The following TENM2 variants were observed in gnomAD, a reference collection of about 807,000 sequenced individuals.
TENM2 encodes teneurin-2.
A neutral mutation model predicts 245.2 loss-of-function variants in TENM2; 52 were observed. That is an observed-to-expected ratio of 0.21 (90% CI 0.17 to 0.27). TENM2 has a LOEUF of 0.27. TENM2 is among the 10% of genes least tolerant of loss of function. The pLI is 1.00. For missense variants in TENM2, 3,046 were observed against 3,666.8 expected (o/e 0.83, Z 4.37); for synonymous variants, 1,363 against 1,438.9 (o/e 0.95, Z 1.19).
At chr5:168,097,717 G>A (rs1380908010) in intron 8 of TENM2, among the ~76,000 whole-genome samples, 3 of 152,072 alleles carry the variant, frequency 2.0e-5, no homozygotes, top group Non-Finnish European at 4.4e-5. Flanking sequence ...CTCCCAAAGT[G>A]CTGAGATTAC....
intron 2 of TENM2, among the ~76,000 whole-genome samples, chr5:167,537,265 A>AG (rs1771915534): frequency 6.6e-6 from 1 of 151,766 alleles, no homozygotes; most frequent in African/African-American, 2.4e-5. Flanking sequence ...AAAAAAAAAA[A>AG]AAAGCCAGTT....
intron 2 of TENM2, among the ~76,000 whole-genome samples, chr5:167,798,106 ATGC>A (rs1197080213): frequency 6.6e-6 from 1 of 152,222 alleles, no homozygotes; most frequent in Non-Finnish European, 1.5e-5. Flanking sequence ...TGAAAGAATG[ATGC>A]TTAAGTTTCC....
At chr5:168,088,128 T>G (rs1792620335) in intron 7 of TENM2, 1 of 152,142 alleles carries the variant, frequency 6.6e-6, no homozygotes, top group African/African-American at 2.4e-5. Flanking sequence ...CCCAAATTAG[T>G]AATGAGCAAT....
chr5:167,237,159 C>T, the TENM2 span, among the ~76,000 whole-genome samples: 7 of 152,144 alleles, frequency 4.6e-5, no homozygotes, highest in Admixed American at 1.3e-4. Context: ...TTTTGATCCG[C>T]GCACCTGTAT....
chr5:167,408,375 T>A (rs142301853), intron 2 of TENM2, among the ~76,000 whole-genome samples: 1 of 152,214 alleles, frequency 6.6e-6, no homozygotes, highest in Non-Finnish European at 1.5e-5. Flanking sequence ...GAGGATCTCT[T>A]TGGCAAGAAG....
intron 2 of TENM2, among the ~76,000 whole-genome samples, chr5:167,489,946 T>C (rs1247904666): frequency 6.6e-6 from 1 of 152,192 alleles, no homozygotes; most frequent in South Asian, 2.1e-4. Context: ...TATTACTGGA[T>C]ATGTACATAA....
chr5:167,897,301 T>TC (rs397751529), intron 3 of TENM2, among the ~76,000 whole-genome samples: 26 of 151,670 alleles, frequency 1.7e-4, no homozygotes, highest in African/African-American at 5.3e-4. Flanking sequence ...CTTTTTTTTT[T>TC]CCCTCCTGCT....
At chr5:168,175,767 C>G (rs1759303580) in intron 13 of TENM2, among the ~76,000 whole-genome samples, 1 of 152,194 alleles carries the variant, frequency 6.6e-6, no homozygotes, top group Non-Finnish European at 1.5e-5. Flanking sequence ...AAGACAGATG[C>G]AGAAAAGAGA....
At chr5:167,499,285 C>T (rs958133600) in intron 2 of TENM2, among the ~76,000 whole-genome samples, 1 of 152,122 alleles carries the variant, frequency 6.6e-6, no homozygotes, top group Non-Finnish European at 1.5e-5. Context: ...GCGTAGAAAA[C>T]TCTGGAGAAG....
chr5:167,797,394 C>T (rs986539038), intron 2 of TENM2, among the ~76,000 whole-genome samples: 1 of 152,140 alleles, frequency 6.6e-6, no homozygotes, highest in Non-Finnish European at 1.5e-5. Flanking sequence ...TTTAACTGAA[C>T]AGCTCTTAGA....
At chr5:167,297,190 T>A (rs1754992493) in intron 1 of TENM2, among the ~76,000 whole-genome samples, 1 of 152,226 alleles carries the variant, frequency 6.6e-6, no homozygotes, top group South Asian at 2.1e-4. Context: ...TGACTTAGAA[T>A]CTCACTTTTC....
chr5:167,906,767 T>C (rs1210659431), intron 3 of TENM2, among the ~76,000 whole-genome samples: 1 of 152,160 alleles, frequency 6.6e-6, no homozygotes, highest in Non-Finnish European at 1.5e-5. Flanking sequence ...TACTTCTCTT[T>C]TTTTAGGCTC....
the TENM2 span, among the ~76,000 whole-genome samples, chr5:167,162,592 C>A: frequency 6.7e-6 from 1 of 149,820 alleles, no homozygotes; most frequent in African/African-American, 2.5e-5. Context: ...GGCGCCACTG[C>A]ACTGCAGCCT....
intron 2 of TENM2, among the ~76,000 whole-genome samples, chr5:167,783,847 C>T (rs186678433): frequency 6.6e-6 from 1 of 152,066 alleles, no homozygotes; most frequent in Non-Finnish European, 1.5e-5. Flanking sequence ...AGGGGAGCAC[C>T]CCAAGGTGGC....
At chr5:166,983,802 T>C in the TENM2 span, among the ~76,000 whole-genome samples, 2 of 152,082 alleles carry the variant, frequency 1.3e-5, no homozygotes, top group Non-Finnish European at 2.9e-5. Flanking sequence ...CAGCAATTCT[T>C]TGAGAGACGC....
the TENM2 span, among the ~76,000 whole-genome samples, chr5:167,128,848 G>T: frequency 0.36 from 54,381 of 152,072 alleles, 11,680 homozygotes; most frequent in South Asian, 0.55. Context: ...TCCTATGTGT[G>T]CCCTGGCACT....
chr5:168,215,128 C>T lies in TENM2; in HGVS notation c.3934C>T (p.Arg1312Cys), dbSNP rs200820930. ...CGACACCAACAGCAGGAGAATCTACCGCGTCAAGTCTCTGAGTGGAACCAA... is the reference window on the plus strand; with the variant it reads ...CGACACCAACAGCAGGAGAATCTACTGCGTCAAGTCTCTGAGTGGAACCAA... The change falls in exon 21 of 29, where the codon CGC becomes TGC. Residue 1312 changes from arginine (R) to cysteine (C), a missense_variant. Arg to Cys is a radical substitution (Grantham distance 180). This residue lies in a region of TENM2 where 2,704 missense variants were observed against 3,331.9 expected (regional missense o/e 0.81). Coordinates refer to ENST00000518659, the Ensembl canonical transcript of TENM2. The T allele has an allele frequency of 7.2e-4, 1,164 of 1,613,804 alleles. No homozygotes were observed. The highest frequency in any genetic ancestry group is 9.0e-4 in the Non-Finnish European group (1,066 of 1,179,888).
chr5:167,632,862 T>C (rs1231568183), intron 2 of TENM2, among the ~76,000 whole-genome samples: 1 of 152,178 alleles, frequency 6.6e-6, no homozygotes, highest in Admixed American at 6.5e-5. Flanking sequence ...CAAACAAACA[T>C]AAGTTTAGAT....
At chr5:167,261,868 T>C in the TENM2 span, among the ~76,000 whole-genome samples, 3 of 152,144 alleles carry the variant, frequency 2.0e-5, no homozygotes, top group African/African-American at 4.8e-5. Context: ...GCAGAAGCCA[T>C]GTACCCTGGG....
Sources: allele counts gnomAD v4.1 joint callset (sites outside exome capture counted in the v4.1 genomes callset), GRCh38; gene constraint gnomAD v4.1.1; regional missense constraint gnomAD v4.1.1; transcripts MANE v1.5; gene names NCBI Gene and HGNC (gene_info 2026-07-23, HGNC 2026-07-21).